Variants in SH2D6 observed in about 807,000 individuals in gnomAD.
SH2D6 encodes SH2 domain containing 6, also known as SH2 domain-containing protein 6.
SH2D6 carries 31 observed loss-of-function variants against 30.2 expected under a neutral mutation model. The ratio of observed to expected loss-of-function variants is 1.03; its 90% confidence interval spans 0.77 to 1.38. The LOEUF is 1.38. Among genes scored for constraint, SH2D6 ranks in the 40% most tolerant of loss-of-function variants. The probability of loss-of-function intolerance (pLI) is 0.00; values close to 1 mark genes in which losing one functional copy is unlikely to be tolerated. For missense variants in SH2D6, 240 were observed against 266.8 expected, an observed-to-expected ratio of 0.90 and a Z score of 0.70; for synonymous variants, 93 against 104.6, an observed-to-expected ratio of 0.89 and a Z score of 0.68.
chr2:85,419,873 G>A (rs891242386), intron 2 of SH2D6, among the ~76,000 whole-genome samples: 1 of 152,208 alleles, frequency 6.6e-6, no homozygotes, highest in African/African-American at 2.4e-5. Flanking sequence ...TCTCTTGATA[G>A]CAGATGTGGG....
At chr2:85,427,825 T>C (rs1199092505) in intron 6 of SH2D6, among the ~76,000 whole-genome samples, 1 of 152,184 alleles carries the variant, frequency 6.6e-6, no homozygotes, top group African/African-American at 2.4e-5. Flanking sequence ...GCCACCCCAG[T>C]GACTCTTCTT....
In SH2D6 at chr2:85,419,251, T is replaced by G. The variant is rs77434089; in HGVS notation, c.-577+7T>G. The G allele has an allele frequency of 4.6e-5, 7 of 152,448 alleles. No individual in the cohort carries two copies. In the East Asian group the frequency reaches 1.4e-3, roughly 29 times the overall value. The allele number at this position is 152,448 out of a possible 1,614,324, so 9.4% of individuals were successfully genotyped here. The stretch of plus-strand genomic sequence containing the variant: ...TTTACATGGCAGAGTCAAGGTGAGG[T>G]TAGGAGGCTGCCAGGAGGTAATAAC... On this transcript the variant is annotated splice_region_variant and intron_variant, in intron 2 of 23. Transcript: ENST00000469800.
rs1687960326 is a variant in SH2D6, at chr2:85,425,420, A to G, written c.-209+13A>G. 2 of 151,704 alleles carry G rather than the reference A, an allele frequency of 1.3e-5. No individual in the cohort carries two copies. The highest frequency in any genetic ancestry group is 3.2e-3 in the Middle Eastern group (1 of 316). 9.4% of individuals were successfully genotyped at this position (151,704 alleles called of 1,614,324 possible). A position where few individuals can be genotyped will look rare whatever the true frequency, so the allele number is the denominator to read the frequency against. On this transcript the variant is annotated intron_variant, in intron 6 of 23. Coordinates refer to ENST00000469800, the MANE Select transcript of SH2D6 (RefSeq NM_001394463.1). ...GCTGGGATTACAGGTACTCGCCACA[A>G]TGCCCGGCTAATAGTTTTGTATTGT...
At chr2:85,420,779 C>G (rs1004685473) in intron 2 of SH2D6, 4 of 152,450 alleles carry the variant, frequency 2.6e-5, no homozygotes, top group African/African-American at 9.6e-5. Context: ...CCACCGTCAG[C>G]CTCCGGGCCC....
At position 85,422,481 on chromosome 2, in the gene SH2D6, G is replaced by C. The variant is rs1687783117; in HGVS notation, c.-413G>C. 6.6e-6 allele frequency: 1 copy of C among 152,304 alleles called. No individual in the cohort carries two copies. The highest frequency in any genetic ancestry group is 2.4e-5 in the African/African-American group (1 of 41,452). The allele number at this position is 152,304 out of a possible 1,614,324, so 9.4% of individuals were successfully genotyped here. On this transcript the variant is annotated 5_prime_UTR_variant, in exon 4 of 24. Coordinates refer to ENST00000469800, the MANE Select transcript of SH2D6 (RefSeq NM_001394463.1). The stretch of plus-strand genomic sequence containing the variant: ...GGGCCTCAGTCACATTGGAGGAGCA[G>C]AGAGAGAAGGTGAGTGTGAGGGAGT...
chr2:85,427,848 G>GCC (rs1486270702), intron 6 of SH2D6, among the ~76,000 whole-genome samples: 2 of 152,050 alleles, frequency 1.3e-5, no homozygotes, highest in African/African-American at 4.8e-5. Context: ...TTTCTTGGAT[G>GCC]CCCTTTTGCC....
chr2:85,434,762 C>A (rs1689203138), intron 19 of SH2D6: 1 of 1,451,418 alleles, frequency 6.9e-7, no homozygotes, highest in African/African-American at 1.4e-5. Context: ...AGCTCTGACT[C>A]CAGCTGAGAT....
chr2:85,435,563 C>T, intron 21 of SH2D6, 67 bp downstream of exon 21: 1 of 1,591,538 alleles, frequency 6.3e-7, no homozygotes, highest in Non-Finnish European at 8.6e-7. Context: ...GCTGGCCGAG[C>T]AGTGGGGAGC....
chr2:85,432,303 A>G (rs1038253660), intron 14 of SH2D6, among the ~76,000 whole-genome samples: 2 of 149,184 alleles, frequency 1.3e-5, no homozygotes, highest in Non-Finnish European at 1.5e-5. Flanking sequence ...GCTGGAGTGC[A>G]GTGGCACGAT....
chr2:85,435,337 T>G, intron 20 of SH2D6, 76 bp from the exon 21 acceptor site: 1 of 1,500,400 alleles, frequency 6.7e-7, no homozygotes, highest in Non-Finnish European at 9.2e-7. Context: ...CATAAATAAC[T>G]GCACCCTGGG....
chr2:85,433,038 C>G, intron 14 of SH2D6, 61 bp from the exon 15 acceptor site: 1 of 985,658 alleles, frequency 1.0e-6, no homozygotes, highest in Middle Eastern at 5.2e-4. Flanking sequence ...GCCTCAGTCC[C>G]GCTGAATTCC....
chr2:85,434,134 A>C, intron 17 of SH2D6, 23 bp downstream of exon 17: 1 of 1,548,700 alleles, frequency 6.5e-7, no homozygotes, highest in Non-Finnish European at 8.7e-7. Context: ...CCAGGTGTGC[A>C]CCTGTGTGTA....
Position 85,431,972 on chromosome 2 carries a change from T to G in SH2D6, c.370+13T>G, listed in dbSNP as rs922338486. The G allele has an allele frequency of 6.5e-6, 1 of 152,720 alleles. No homozygotes were observed. The highest frequency in any genetic ancestry group is 1.5e-5 in the Non-Finnish European group (1 of 68,104). 9.5% of individuals were successfully genotyped at this position (152,720 alleles called of 1,614,324 possible). On this transcript the variant is annotated intron_variant, in intron 14 of 23. Transcript: ENST00000469800. ...TTTGGGAGGCGAGGTAATGGGGATG[T>G]CCTCTCTTTCTGTGGCTCCACCCTG...
intron 15 of SH2D6, 77 bp downstream of exon 15, chr2:85,433,198 G>A (rs1379531951): frequency 6.3e-5 from 58 of 915,012 alleles, no homozygotes; most frequent in Non-Finnish European, 7.4e-5. Flanking sequence ...TGGGGCCTAG[G>A]GAGGGCCAGG....
intron 12 of SH2D6, 75 bp from the exon 13 acceptor site, chr2:85,431,135 G>T (rs1171328277): frequency 1.2e-5 from 1 of 80,812 alleles, no homozygotes; most frequent in African/African-American, 4.6e-5. Flanking sequence ...GAGGCTGGTC[G>T]GGGGGAGGCG....
Position 85,435,801 on chromosome 2 carries a change from C to G in SH2D6, c.868C>G (p.Arg290Gly). 6.3e-7 allele frequency: 1 copy of G among 1,599,162 alleles called. No individual in the cohort carries two copies. ...TGGCGGACGCCACTATGCCCTGGGC[C>G]GGGAGGGCAGGAACCGTGAGGAGGT... ...LDGGRHYALG[R>G]EGRNREELFS... Residue 290 changes from arginine (R) to glycine (G), a missense_variant, in exon 22 of 24, where the codon CGG becomes GGG. Coordinates refer to ENST00000469800, the MANE Select transcript of SH2D6 (RefSeq NM_001394463.1).
chr2:85,433,187 G>A, intron 15 of SH2D6, 66 bp downstream of exon 15: 1 of 953,956 alleles, frequency 1.0e-6, no homozygotes. Context: ...CAGGGGTGGG[G>A]TGGGGCCTAG....
chr2:85,436,771 A>G, intron 23 of SH2D6, 66 bp from the exon 24 acceptor site: 2 of 568,644 alleles, frequency 3.5e-6, no homozygotes, highest in East Asian at 6.0e-5. Flanking sequence ...CCCCATGCTC[A>G]CCTAGAGCCT....
chr2:85,436,718 G>A (rs983049533), intron 23 of SH2D6, 119 bp from the exon 24 acceptor site: 1 of 747,264 alleles, frequency 1.3e-6, no homozygotes, highest in Non-Finnish European at 2.3e-6. Context: ...CATTAATGGG[G>A]AAAGCCTGCC....
Sources: allele counts gnomAD v4.1 joint callset (sites outside exome capture counted in the v4.1 genomes callset), GRCh38; gene constraint gnomAD v4.1.1; transcripts MANE v1.5; gene names NCBI Gene and HGNC (gene_info 2026-07-23, HGNC 2026-07-21).